Variants in SLC4A4 observed in about 807,000 individuals in gnomAD.
SLC4A4 encodes the protein electrogenic sodium bicarbonate cotransporter 1.
Under a neutral mutation model 111.5 loss-of-function variants are expected in SLC4A4, and 27 were observed. That is an observed-to-expected ratio of 0.24 (90% CI 0.18 to 0.33). The LOEUF (loss-of-function observed/expected upper bound fraction) is 0.33. Among genes scored for constraint, SLC4A4 ranks in the 10% least tolerant of loss-of-function variants. SLC4A4 has a pLI of 1.00. For synonymous variants in SLC4A4, 443 were observed against 463.4 expected, an observed-to-expected ratio of 0.96 and a Z score of 0.57; for missense variants, 909 against 1,315.5, an observed-to-expected ratio of 0.69 and a Z score of 4.78.
intron 2 of SLC4A4, among the ~76,000 whole-genome samples, chr4:71,253,210 G>C (rs1271343634): frequency 3.3e-5 from 5 of 152,042 alleles, no homozygotes; most frequent in Non-Finnish European, 5.9e-5. Flanking sequence ...AGGGTTTGAT[G>C]GCTCACTCTC....
chr4:71,376,288 G>A (rs989164018), intron 6 of SLC4A4, among the ~76,000 whole-genome samples: 2 of 150,398 alleles, frequency 1.3e-5, no homozygotes, highest in Admixed American at 6.6e-5. Context: ...TGCAAGCTCT[G>A]CCTCTCGGGT....
At chr4:71,187,257 CCGGCGGCGCGCCGGGCAGCGCTTCGGTGG>C in exon 1 of SLC4A4, 1 of 152,700 alleles carries the variant, frequency 6.5e-6, no homozygotes, top group Non-Finnish European at 1.5e-5. Context: ...GCCTCCAACC[CCGGCGGCGCGCCGGGCAGCGCTTCGGTGG>C]CGGCGGCGGC....
At chr4:71,555,079 C>G in intron 20 of SLC4A4, 61 bp from the exon 21 acceptor site, 2 of 1,163,532 alleles carry the variant, frequency 1.7e-6, no homozygotes, top group Non-Finnish European at 2.6e-6. Flanking sequence ...TAAATGATTC[C>G]TCTTCATTCC....
intron 2 of SLC4A4, among the ~76,000 whole-genome samples, chr4:71,159,246 C>A (rs901198223): frequency 6.6e-6 from 1 of 152,116 alleles, no homozygotes; most frequent in Non-Finnish European, 1.5e-5. Flanking sequence ...GAGTTTTAAC[C>A]AATTTTCAGG....
At chr4:71,216,864 G>A (rs1243942189) in intron 1 of SLC4A4, among the ~76,000 whole-genome samples, 1 of 152,206 alleles carries the variant, frequency 6.6e-6, no homozygotes, top group Non-Finnish European at 1.5e-5. Context: ...CTAGCTACGT[G>A]CCTTGTCTAC....
In SLC4A4 at chr4:71,532,077, A is replaced by G; in HGVS notation, c.2182A>G (p.Ser728Gly). ...YFPTTARKLISDFAIILSILI... is the reference protein window; with the variant it reads ...YFPTTARKLIGDFAIILSILI... Reference sequence around the variant, plus strand: ...ATTTTTCCAGGCAAGAAAACTGATCAGTGATTTTGCCATTATCTTGTCCAT... The same window carrying G: ...ATTTTTCCAGGCAAGAAAACTGATCGGTGATTTTGCCATTATCTTGTCCAT... The change falls in exon 17 of 26, where the codon AGT becomes GGT. Residue 728 changes from serine (S) to glycine (G), a missense_variant. Ser to Gly is a moderately conservative substitution (Grantham distance 56). Around this residue, in one of 7 missense-constraint regions of SLC4A4, gnomAD observed 264 missense variants for 356.8 expected, o/e 0.74. Coordinates refer to ENST00000264485, the MANE Select transcript of SLC4A4 (RefSeq NM_001098484.3). The G allele has an allele frequency of 6.2e-7, 1 of 1,609,838 alleles. No individual in the cohort carries two copies. Among genetic ancestry groups the G allele is most frequent in the South Asian group, 1.1e-5 (1 of 90,992 alleles).
intron 3 of SLC4A4, among the ~76,000 whole-genome samples, chr4:71,297,648 C>T (rs975883188): frequency 1.4e-5 from 2 of 141,464 alleles, no homozygotes; most frequent in South Asian, 2.3e-4. Flanking sequence ...AGTGCAGTGG[C>T]GTAATATAGG....
intron 3 of SLC4A4, among the ~76,000 whole-genome samples, chr4:71,283,791 T>C (rs2149094636): frequency 6.6e-6 from 1 of 152,352 alleles, no homozygotes; most frequent in African/African-American, 2.4e-5. Flanking sequence ...CCTAGGGAAC[T>C]TCCCTGCAGA....
At chr4:71,489,909 C>A (rs1363577347) in intron 15 of SLC4A4, among the ~76,000 whole-genome samples, 1 of 151,638 alleles carries the variant, frequency 6.6e-6, no homozygotes, top group African/African-American at 2.4e-5. Context: ...GACAAGCTTT[C>A]TTTTTCATGG....
At chr4:71,300,285 G>T (rs1179809441) in intron 3 of SLC4A4, 1 of 212,938 alleles carries the variant, frequency 4.7e-6, no homozygotes, top group Non-Finnish European at 1.0e-5. Flanking sequence ...CGGGCACACG[G>T]CCAGGCTAAT....
chr4:71,285,586 G>A (rs1003142033), intron 3 of SLC4A4, among the ~76,000 whole-genome samples: 2 of 152,158 alleles, frequency 1.3e-5, no homozygotes, highest in African/African-American at 4.8e-5. Flanking sequence ...AAGTGGGCAA[G>A]TGTTAGGAAA....
At chr4:71,380,881 G>A (rs1030651894) in intron 6 of SLC4A4, among the ~76,000 whole-genome samples, 3 of 152,152 alleles carry the variant, frequency 2.0e-5, no homozygotes, top group East Asian at 1.9e-4. Context: ...AAGAAGTGTA[G>A]ACACTGATGA....
intron 1 of SLC4A4, among the ~76,000 whole-genome samples, chr4:71,191,951 GC>G (rs1306491833): frequency 6.6e-6 from 1 of 152,024 alleles, no homozygotes; most frequent in African/African-American, 2.4e-5. Context: ...CTCCTAGTAT[GC>G]TTTTTTGGGG....
At chr4:71,127,188 A>G (rs1484568812) in intron 2 of SLC4A4, among the ~76,000 whole-genome samples, 1 of 152,216 alleles carries the variant, frequency 6.6e-6, no homozygotes, top group Non-Finnish European at 1.5e-5. Flanking sequence ...TAGTCAAACG[A>G]TCTTACCTTA....
intron 7 of SLC4A4, among the ~76,000 whole-genome samples, chr4:71,439,803 C>T (rs905239794): frequency 6.6e-6 from 1 of 151,406 alleles, no homozygotes; most frequent in African/African-American, 2.4e-5. Flanking sequence ...TTACGTCTTC[C>T]CTCTCCGTCT....
chr4:71,419,059 T>C (rs1169983171), intron 7 of SLC4A4, among the ~76,000 whole-genome samples: 3 of 152,174 alleles, frequency 2.0e-5, no homozygotes, highest in African/African-American at 7.2e-5. Flanking sequence ...GGAAGTTTTG[T>C]CTCAGAGGAG....
chr4:71,144,374 T>G (rs868499136), intron 2 of SLC4A4, among the ~76,000 whole-genome samples: 31 of 152,278 alleles, frequency 2.0e-4, no homozygotes, highest in Middle Eastern at 3.4e-3. Context: ...TTGAAGTCAG[T>G]TAGCGTGATG....
chr4:71,262,352 C>T (rs903583832), intron 3 of SLC4A4, among the ~76,000 whole-genome samples: 6 of 152,124 alleles, frequency 3.9e-5, no homozygotes, highest in East Asian at 3.9e-4. Flanking sequence ...ATAAATTCTG[C>T]GGAATTCTTC....
intron 1 of SLC4A4, among the ~76,000 whole-genome samples, chr4:71,204,115 G>C (rs969713162): frequency 3.3e-5 from 5 of 152,142 alleles, no homozygotes; most frequent in African/African-American, 9.7e-5. Flanking sequence ...TTGATCTAAT[G>C]GTCTAAATGA....
Sources: gnomAD v4.1 joint callset for allele counts (sites outside exome capture counted in the v4.1 genomes callset) on GRCh38, gnomAD v4.1.1 for gene constraint, gnomAD v4.1.1 regional missense constraint, MANE v1.5 for transcripts, NCBI Gene and HGNC (gene_info 2026-07-23, HGNC 2026-07-21) for gene names.